TRPC7: variants seen among roughly 807,000 people sequenced by gnomAD.
TRPC7 encodes short transient receptor potential channel 7.
Under a neutral mutation model 90.1 loss-of-function variants are expected in TRPC7, and 42 were observed. The ratio of observed to expected loss-of-function variants is 0.47; its 90% CI spans 0.36 to 0.60. The LOEUF is 0.60. Ranked by LOEUF, TRPC7 falls within the 20% of genes least tolerant of loss-of-function variation. The pLI is 0.00. For synonymous variants in TRPC7, 451 were observed against 436.3 expected (o/e 1.03, Z -0.42); for missense variants, 955 against 1,112.3 (o/e 0.86, Z 2.01).
intron 6 of TRPC7, among the ~76,000 whole-genome samples, chr5:136,248,695 G>C (rs983882148): frequency 2.6e-5 from 4 of 152,208 alleles, no homozygotes; most frequent in Non-Finnish European, 4.4e-5. Context: ...GGCTCTGCTT[G>C]TGGTCACTGT....
At chr5:136,250,358 T>C (rs771968792) in intron 6 of TRPC7, among the ~76,000 whole-genome samples, 13 of 152,222 alleles carry the variant, frequency 8.5e-5, no homozygotes, top group African/African-American at 2.9e-4. Flanking sequence ...CATTGTTGTA[T>C]CTTACCATAA....
intron 2 of TRPC7, among the ~76,000 whole-genome samples, chr5:136,337,576 G>A (rs962805290): frequency 6.6e-6 from 1 of 151,284 alleles, no homozygotes; most frequent in Admixed American, 6.6e-5. Flanking sequence ...TGAGGCAGGA[G>A]AATCACTTGA....
In TRPC7 at chr5:136,357,370, G is replaced by A. The variant is rs781064740; in HGVS notation, c.18C>T (p.Thr6=). 20 of 1,598,300 alleles carry A rather than the reference G, an allele frequency of 1.3e-5. No individual in the cohort carries two copies. The Admixed American group carries it at 3.2e-4, about 25-fold the overall frequency. Reference sequence around the variant, plus strand: ...TGTGCCGGCGCTGCATGTTTTTGAAGGTGCTGTTCCTCAACCTATGGGACA... The same window carrying A: ...TGTGCCGGCGCTGCATGTTTTTGAAAGTGCTGTTCCTCAACCTATGGGACA... MLRNS[T]FKNMQRRHTT... Residue 6 remains threonine, a synonymous_variant, in exon 2 of 12, where the codon ACC becomes ACT. Coordinates refer to ENST00000513104, the MANE Select transcript of TRPC7 (RefSeq NM_020389.3).
At chr5:136,335,151 A>G (rs1002422703) in intron 2 of TRPC7, among the ~76,000 whole-genome samples, 2 of 152,098 alleles carry the variant, frequency 1.3e-5, no homozygotes, top group African/African-American at 2.4e-5. Flanking sequence ...GATTCCATTG[A>G]TCTCCACACC....
chr5:136,217,665 T>G (rs1167003075), intron 10 of TRPC7, among the ~76,000 whole-genome samples: 1 of 152,222 alleles, frequency 6.6e-6, no homozygotes, highest in Non-Finnish European at 1.5e-5. Flanking sequence ...ACTGCAGCGC[T>G]GAATTTCTCA....
At chr5:136,354,552 A>G (rs1011499506) in intron 2 of TRPC7, among the ~76,000 whole-genome samples, 37 of 152,148 alleles carry the variant, frequency 2.4e-4, no homozygotes, top group African/African-American at 8.2e-4. Flanking sequence ...ACCTACATAC[A>G]ACAAAATTTT....
chr5:136,282,022 C>A (rs1471025750), intron 3 of TRPC7, among the ~76,000 whole-genome samples: 1 of 152,138 alleles, frequency 6.6e-6, no homozygotes, highest in East Asian at 1.9e-4. Context: ...ATGAATAATT[C>A]TTACTCTAGT....
At chr5:136,260,567 T>G (rs1215155811) in intron 5 of TRPC7, among the ~76,000 whole-genome samples, 1 of 151,360 alleles carries the variant, frequency 6.6e-6, no homozygotes, top group African/African-American at 2.4e-5. Flanking sequence ...ACAGAGTGAG[T>G]GAGGTGGAAA....
intron 4 of TRPC7, among the ~76,000 whole-genome samples, chr5:136,269,461 C>T (rs541804045): frequency 3.9e-5 from 6 of 152,302 alleles, no homozygotes; most frequent in South Asian, 2.1e-4. Context: ...AGCACCTAAG[C>T]GGTACCTGGA....
chr5:136,334,417 C>T (rs1759588142), intron 2 of TRPC7, among the ~76,000 whole-genome samples: 1 of 152,208 alleles, frequency 6.6e-6, no homozygotes, highest in Non-Finnish European at 1.5e-5. Context: ...TCAAGTTAGG[C>T]AAATCAGTAC....
intron 2 of TRPC7, among the ~76,000 whole-genome samples, chr5:136,338,051 G>GGA (rs144557242): frequency 6.6e-6 from 1 of 151,542 alleles, no homozygotes; most frequent in Non-Finnish European, 1.5e-5. Context: ...GGAATGGTGG[G>GGA]GAGAGAGAGA....
chr5:136,360,772 C>T (rs369111515), intron 1 of TRPC7, among the ~76,000 whole-genome samples: 10 of 152,050 alleles, frequency 6.6e-5, no homozygotes, highest in Admixed American at 3.9e-4. Flanking sequence ...GCTTCCAATG[C>T]GAGGGGCTTC....
chr5:136,257,188 T>TC, intron 5 of TRPC7, among the ~76,000 whole-genome samples: 1 of 150,062 alleles, frequency 6.7e-6, no homozygotes, highest in African/African-American at 2.4e-5. Flanking sequence ...TTTCTTTCTT[T>TC]TTTTTTTTTT....
intron 5 of TRPC7, among the ~76,000 whole-genome samples, chr5:136,261,768 T>G (rs1756863896): frequency 6.6e-6 from 1 of 152,254 alleles, no homozygotes; most frequent in African/African-American, 2.4e-5. Flanking sequence ...TGTTATATAA[T>G]TTAAATGCAT....
chr5:136,350,898 G>C (rs114619032), intron 2 of TRPC7, among the ~76,000 whole-genome samples: 113 of 152,312 alleles, frequency 7.4e-4, no homozygotes, highest in African/African-American at 2.6e-3. Context: ...ATTAGGGATG[G>C]TATACAGTCA....
rs750805801 is a variant in TRPC7 at position 136,357,192 on chromosome 5, ACTC to A, written c.193_195del (p.Glu65del). The A allele has an allele frequency of 6.2e-7, 1 of 1,613,086 alleles. No homozygotes were observed. Among genetic ancestry groups the A allele is most frequent in the South Asian group, 1.1e-5 (1 of 91,010 alleles). Reference sequence around the variant, plus strand: ...ACACAGTTGAAGTTAAGGGTCTTGGACTCCTCCAGCATTTTCCGGACCACCGGG... The same window carrying A: ...ACACAGTTGAAGTTAAGGGTCTTGGACTCCAGCATTTTCCGGACCACCGGG... On this transcript the variant is annotated inframe_deletion, in exon 2 of 12. Transcript: ENST00000513104.
intron 8 of TRPC7, chr5:136,226,496 T>G: frequency 1.9e-6 from 1 of 538,302 alleles, no homozygotes; most frequent in Non-Finnish European, 3.3e-6. Flanking sequence ...CCAGTTCATA[T>G]TAACCGCCCC....
chr5:136,324,391 C>A (rs1759283933), intron 2 of TRPC7, among the ~76,000 whole-genome samples: 2 of 152,046 alleles, frequency 1.3e-5, no homozygotes, highest in South Asian at 4.2e-4. Context: ...GGTTTTTAAC[C>A]CAAATTAATG....
chr5:136,284,485 C>G (rs1757647971), intron 3 of TRPC7, among the ~76,000 whole-genome samples: 1 of 152,160 alleles, frequency 6.6e-6, no homozygotes, highest in African/African-American at 2.4e-5. Flanking sequence ...ATATTTAAAG[C>G]CACATCTACC....
Sources: gnomAD v4.1 joint callset for allele counts (sites outside exome capture counted in the v4.1 genomes callset) on GRCh38, gnomAD v4.1.1 for gene constraint, MANE v1.5 for transcripts, NCBI Gene and HGNC (gene_info 2026-07-23, HGNC 2026-07-21) for gene names.